The following CCDC6 variants were observed in gnomAD, a reference collection of about 807,000 sequenced individuals.
CCDC6 encodes the protein coiled-coil domain-containing protein 6.
In CCDC6, 20 loss-of-function variants were observed where a neutral mutation model predicts 56.6. The ratio of observed to expected loss-of-function variants is 0.35; its 90% CI spans 0.25 to 0.51. The LOEUF is 0.51. Ranked by LOEUF, CCDC6 falls within the 20% of genes least tolerant of loss-of-function variation. CCDC6 has a pLI of 0.95. For synonymous variants in CCDC6, 241 were observed against 234.4 expected, an observed-to-expected ratio of 1.03 and a Z score of -0.26; for missense variants, 367 against 601.1, an observed-to-expected ratio of 0.61 and a Z score of 4.07.
chr10:59,812,561 G>T (rs1589037805), intron 5 of CCDC6, 74 bp downstream of exon 5: 1 of 942,862 alleles, frequency 1.1e-6, no homozygotes, highest in Non-Finnish European at 1.5e-6. Flanking sequence ...GTAATTAAAT[G>T]TTGGTAATAC....
chr10:59,823,452 C>A (rs908147012), intron 3 of CCDC6, among the ~76,000 whole-genome samples: 2 of 152,198 alleles, frequency 1.3e-5, no homozygotes, highest in Admixed American at 6.5e-5. Context: ...AGTTCCCACA[C>A]TGGAGTTGAG....
At chr10:59,808,469 A>T (rs1441426282) in intron 5 of CCDC6, among the ~76,000 whole-genome samples, 1 of 152,170 alleles carries the variant, frequency 6.6e-6, no homozygotes, top group Non-Finnish European at 1.5e-5. Context: ...ATCTGCTACC[A>T]AGTAACCAGA....
intron 1 of CCDC6, among the ~76,000 whole-genome samples, chr10:59,866,839 AAC>A (rs1272440840): frequency 6.6e-6 from 1 of 152,214 alleles, no homozygotes; most frequent in East Asian, 1.9e-4. Flanking sequence ...CACAAAAGTC[AAC>A]ATTATTTACG....
chr10:59,792,784 A>G lies in CCDC6; in HGVS notation c.*133T>C, dbSNP rs554182020. On this transcript the variant is annotated 3_prime_UTR_variant, in exon 9 of 9. Coordinates refer to ENST00000263102, the MANE Select transcript of CCDC6 (RefSeq NM_005436.5). The stretch of plus-strand genomic sequence containing the variant: ...ATTTCTGACAAACATTTACAACACA[A>G]TGGATAGTGAAGCCTAGATAACCTC... 5 of 932,760 alleles carry G rather than the reference A, an allele frequency of 5.4e-6. No homozygotes were observed. In the African/African-American group the frequency reaches 8.0e-5, roughly 15 times the overall value. The allele number at this position is 932,760 out of a possible 1,614,324, so 57.8% of individuals were successfully genotyped here.
intron 1 of CCDC6, among the ~76,000 whole-genome samples, chr10:59,903,814 A>G (rs2071521717): frequency 6.6e-6 from 1 of 152,226 alleles, no homozygotes; most frequent in South Asian, 2.1e-4. Flanking sequence ...AAACTACTTA[A>G]GTGTTGTTCA....
intron 1 of CCDC6, among the ~76,000 whole-genome samples, chr10:59,882,959 CAAAA>C (rs769100645): frequency 7.5e-6 from 1 of 134,020 alleles, no homozygotes; most frequent in Non-Finnish European, 1.6e-5. Flanking sequence ...GACTCTGCCT[CAAAA>C]AAAAAAATTA....
Position 59,814,819 on chromosome 10 carries a change from T to G in CCDC6, c.583-64A>C, listed in dbSNP as rs942833669. 9.3e-6 allele frequency: 10 copies of G among 1,069,848 alleles called. No homozygotes were observed. The South Asian group carries it at 1.1e-4, about 12-fold the overall frequency. The allele number at this position is 1,069,848 out of a possible 1,614,324, so 66.3% of individuals were successfully genotyped here. On this transcript the variant is annotated intron_variant, in intron 3 of 8. Coordinates refer to ENST00000263102, the MANE Select transcript of CCDC6 (RefSeq NM_005436.5). ...ACTTATACTTTGTTAATACATTTTT[T>G]GATTGAACAATTAGGACCCCTTTTC...
chr10:59,843,806 A>G (rs188387416), intron 2 of CCDC6, among the ~76,000 whole-genome samples: 18 of 152,326 alleles, frequency 1.2e-4, no homozygotes, highest in Admixed American at 8.5e-4. Flanking sequence ...CAGCTGATGC[A>G]AAACTAGTTC....
intron 2 of CCDC6, among the ~76,000 whole-genome samples, chr10:59,843,533 C>T (rs1456796217): frequency 3.3e-5 from 5 of 152,292 alleles, no homozygotes; most frequent in Middle Eastern, 3.4e-3. Context: ...TTATAGTATA[C>T]GCCCGGTAAT....
chr10:59,835,349 A>G (rs971702651), intron 2 of CCDC6, among the ~76,000 whole-genome samples: 33 of 152,256 alleles, frequency 2.2e-4, no homozygotes, highest in African/African-American at 7.5e-4. Context: ...GAAAATATCC[A>G]TATTTAGACA....
intron 1 of CCDC6, among the ~76,000 whole-genome samples, chr10:59,904,858 G>T (rs1042145195): frequency 1.3e-5 from 2 of 152,148 alleles, no homozygotes; most frequent in African/African-American, 4.8e-5. Flanking sequence ...AGCACTGGGG[G>T]TGTACACACG....
intron 3 of CCDC6, among the ~76,000 whole-genome samples, chr10:59,821,390 C>G (rs748107861): frequency 4.6e-5 from 7 of 152,280 alleles, no homozygotes; most frequent in Middle Eastern, 3.4e-3. Context: ...GCTGTCTGTT[C>G]AGGTGATCAG....
intron 3 of CCDC6, among the ~76,000 whole-genome samples, chr10:59,831,496 A>C (rs1223083358): frequency 6.6e-6 from 1 of 152,250 alleles, no homozygotes; most frequent in Non-Finnish European, 1.5e-5. Context: ...GAATGAGTTA[A>C]CATGGAGTAA....
intron 8 of CCDC6, among the ~76,000 whole-genome samples, chr10:59,793,904 T>C (rs369245008): frequency 1.6e-4 from 24 of 152,358 alleles, no homozygotes; most frequent in East Asian, 9.6e-4. Flanking sequence ...CTTTGAAATA[T>C]TGGTATTTCT....
At chr10:59,865,465 A>C (rs1280913499) in intron 1 of CCDC6, among the ~76,000 whole-genome samples, 1 of 152,192 alleles carries the variant, frequency 6.6e-6, no homozygotes, top group African/African-American at 2.4e-5. Context: ...GGAAATTAAA[A>C]ACAACAAAAC....
At chr10:59,822,882 A>C (rs1589040981) in intron 3 of CCDC6, among the ~76,000 whole-genome samples, 1 of 145,970 alleles carries the variant, frequency 6.9e-6, no homozygotes. Flanking sequence ...GCCCTGTCCC[A>C]CCCCACCCTA....
intron 2 of CCDC6, among the ~76,000 whole-genome samples, chr10:59,840,568 A>C (rs916233348): frequency 3.3e-5 from 5 of 152,188 alleles, no homozygotes; most frequent in Non-Finnish European, 2.9e-5. Context: ...TTATATCTCT[A>C]GCCCAGACTT....
intron 1 of CCDC6, among the ~76,000 whole-genome samples, chr10:59,884,851 G>A (rs942492937): frequency 5.3e-5 from 8 of 152,144 alleles, no homozygotes; most frequent in Non-Finnish European, 1.0e-4. Flanking sequence ...ATCACTTGAA[G>A]TCAGGAATTT....
chr10:59,794,438 A>G, intron 8 of CCDC6, 35 bp downstream of exon 8: 1 of 1,610,126 alleles, frequency 6.2e-7, no homozygotes, highest in Non-Finnish European at 8.5e-7. Context: ...CACTTTCAGG[A>G]GTAAAGTGCT....
Sources: allele counts gnomAD v4.1 joint callset (sites outside exome capture counted in the v4.1 genomes callset), GRCh38; gene constraint gnomAD v4.1.1; transcripts MANE v1.5; gene names NCBI Gene and HGNC (gene_info 2026-07-23, HGNC 2026-07-21).